Variants in TTL observed in about 807,000 individuals in gnomAD.
The protein encoded by TTL is tubulin--tyrosine ligase.
In TTL, 10 loss-of-function variants were observed where a neutral mutation model predicts 41.1. The ratio of observed to expected loss-of-function variants is 0.24; its 90% CI spans 0.15 to 0.41. The LOEUF is 0.41. Ranked by LOEUF, TTL falls within the 10% of genes least tolerant of loss-of-function variation. TTL has a pLI of 1.00. For synonymous variants in TTL, 175 were observed against 175.5 expected, an observed-to-expected ratio of 1.00 and a Z score of 0.02; for missense variants, 367 against 460.4, an observed-to-expected ratio of 0.80 and a Z score of 1.86.
chr2:112,507,679 C>G (rs937301403), intron 5 of TTL, among the ~76,000 whole-genome samples: 10 of 146,482 alleles, frequency 6.8e-5, no homozygotes, highest in Non-Finnish European at 1.4e-4. Context: ...GTAGATCTTC[C>G]TCCATCCTTT....
chr2:112,498,578 AT>A (rs758372674), intron 3 of TTL, among the ~76,000 whole-genome samples: 246 of 152,302 alleles, frequency 1.6e-3, no homozygotes, highest in Non-Finnish European at 2.8e-3. Flanking sequence ...TGTTAGCAAC[AT>A]TTTTGTATAG....
chr2:112,501,494 G>A (rs928069425), intron 4 of TTL, among the ~76,000 whole-genome samples, 153 bp downstream of exon 4: 4 of 151,680 alleles, frequency 2.6e-5, no homozygotes, highest in African/African-American at 9.7e-5. Context: ...CTTACCTTCT[G>A]TACCTAATTT....
intron 6 of TTL, among the ~76,000 whole-genome samples, chr2:112,525,217 G>C (rs1273734023): frequency 9.9e-5 from 15 of 152,170 alleles, no homozygotes; most frequent in Non-Finnish European, 1.9e-4. Context: ...TTTGAAGTCA[G>C]GTAGGGTGAT....
chr2:112,513,247 C>CTA (rs1681972936), intron 5 of TTL, among the ~76,000 whole-genome samples: 1 of 152,020 alleles, frequency 6.6e-6, no homozygotes, highest in Non-Finnish European at 1.5e-5. Context: ...AAACCAAACT[C>CTA]TATACTGTCT....
rs756458339 is a variant in TTL at position 112,494,242 on chromosome 2, A to G, written c.336A>G (p.Ala112=). ...ATCTCAAGACTCCAGTTGCTCCAGC[A>G]CAGAATGGAATTCAGCCACCAATCA... ...PTNLKTPVAP[A]QNGIQPPISN... The change falls in exon 3 of 7, where the codon GCA becomes GCG. Residue 112 remains alanine, a synonymous_variant. Coordinates refer to ENST00000233336, the MANE Select transcript of TTL (RefSeq NM_153712.5). 3 of 1,614,224 alleles carry G rather than the reference A, an allele frequency of 1.9e-6. No individual in the cohort carries two copies. Among genetic ancestry groups the G allele is most frequent in the Non-Finnish European group, 2.5e-6 (3 of 1,180,038 alleles).
chr2:112,517,575 C>T (rs189910580), intron 5 of TTL, among the ~76,000 whole-genome samples: 126 of 151,164 alleles, frequency 8.3e-4, no homozygotes, highest in African/African-American at 2.6e-3. Flanking sequence ...GTATTTTTTT[C>T]TCTCTCTCTT....
intron 3 of TTL, 133 bp downstream of exon 3, chr2:112,494,508 A>G: frequency 1.5e-6 from 1 of 689,182 alleles, no homozygotes; most frequent in Admixed American, 2.9e-5. Flanking sequence ...ATAAATACCC[A>G]TCTATGTACT....
chr2:112,513,512 A>G (rs1223035526), intron 5 of TTL, among the ~76,000 whole-genome samples: 2 of 151,682 alleles, frequency 1.3e-5, no homozygotes, highest in Non-Finnish European at 2.9e-5. Context: ...GTCATCTGAG[A>G]ATGTGTTTAT....
chr2:112,486,399 C>T (rs1048743170), intron 2 of TTL, among the ~76,000 whole-genome samples: 5 of 152,216 alleles, frequency 3.3e-5, no homozygotes, highest in Admixed American at 1.3e-4. Flanking sequence ...TGAGCAAGGA[C>T]CAGGCCTCTA....
chr2:112,498,506 G>T (rs1681596581), intron 3 of TTL, among the ~76,000 whole-genome samples: 1 of 152,222 alleles, frequency 6.6e-6, no homozygotes, highest in African/African-American at 2.4e-5. Context: ...TTGCAGGACA[G>T]TATAGTAAAG....
intron 5 of TTL, among the ~76,000 whole-genome samples, chr2:112,517,559 A>G (rs1682103590): frequency 6.6e-6 from 1 of 151,316 alleles, no homozygotes; most frequent in Non-Finnish European, 1.5e-5. Flanking sequence ...CCCATTTTAT[A>G]TTTTAGTATT....
intron 5 of TTL, among the ~76,000 whole-genome samples, chr2:112,515,986 A>G (rs1348803252): frequency 6.7e-6 from 1 of 150,016 alleles, no homozygotes; most frequent in African/African-American, 2.4e-5. Flanking sequence ...AAATAAATAA[A>G]TAAATAAATA....
At position 112,541,738 on chromosome 2, in the gene TTL, C is replaced by A; in HGVS notation, c.*12943C>A. On this transcript the variant is annotated 3_prime_UTR_variant, in exon 7 of 7. Coordinates refer to ENST00000233336, the MANE Select transcript of TTL (RefSeq NM_153712.5). ...CACAAACACAATAAAGTTGAAAAAC[C>A]AGCAGGCATTCCCTGATTAATCAGT... is the stretch of plus-strand genomic sequence containing the variant. 4.1e-6 allele frequency: 1 copy of A among 242,710 alleles called. No homozygotes were observed. The highest frequency in any genetic ancestry group is 1.0e-4 in the East Asian group (1 of 9,550). The allele number at this position is 242,710 out of a possible 1,614,324, so 15.0% of individuals were successfully genotyped here. A position where few individuals can be genotyped will look rare whatever the true frequency, so the allele number is the denominator to read the frequency against.
Position 112,482,846 on chromosome 2 carries a change from G to T in TTL, c.157+345G>T, listed in dbSNP as rs2104442630. On this transcript the variant is annotated intron_variant, in intron 1 of 6. Coordinates refer to ENST00000233336, the MANE Select transcript of TTL (RefSeq NM_153712.5). This position sits in a 1 kb window ranked among gnomAD's most constrained non-coding sequence, Gnocchi z 5.3. ...CGGGCCGAAGCCCCCAGATTTGGCG[G>T]GTCCGCCGCGCTGGGCGCGGCTCCG... Among the ~76,000 whole-genome samples, 1 of 152,284 alleles carries T rather than the reference G, an allele frequency of 6.6e-6. No homozygotes were observed. Among genetic ancestry groups the T allele is most frequent in the East Asian group, 2.0e-4 (1 of 5,124 alleles).
chr2:112,503,520 A>G (rs1408255077), intron 5 of TTL, among the ~76,000 whole-genome samples: 2 of 149,214 alleles, frequency 1.3e-5, no homozygotes, highest in African/African-American at 4.9e-5. Context: ...CACAACCTCT[A>G]CCTCCTGGGT....
At chr2:112,484,496 C>T (rs1484518520) in intron 1 of TTL, among the ~76,000 whole-genome samples, 1 of 151,894 alleles carries the variant, frequency 6.6e-6, no homozygotes, top group African/African-American at 2.4e-5. Context: ...AACTCCTGAC[C>T]TCAGGTGATC....
chr2:112,500,607 A>T (rs1426087240), intron 3 of TTL, among the ~76,000 whole-genome samples: 1 of 152,250 alleles, frequency 6.6e-6, no homozygotes, highest in Non-Finnish European at 1.5e-5. Flanking sequence ...AACAACAAAA[A>T]CTGTAGTAAT....
At chr2:112,490,817 C>T (rs1205106818) in intron 2 of TTL, among the ~76,000 whole-genome samples, 1 of 152,022 alleles carries the variant, frequency 6.6e-6, no homozygotes, top group Non-Finnish European at 1.5e-5. Flanking sequence ...AGGTGATCCA[C>T]CTGCCTCGGC....
chr2:112,520,453 C>G, intron 6 of TTL, 28 bp downstream of exon 6: 1 of 1,608,360 alleles, frequency 6.2e-7, no homozygotes, highest in Non-Finnish European at 8.5e-7. Flanking sequence ...TGTGTTTTTA[C>G]AAGTGGGAAG....
Sources: allele counts gnomAD v4.1 joint callset (sites outside exome capture counted in the v4.1 genomes callset), GRCh38; gene constraint gnomAD v4.1.1; non-coding constraint Gnocchi (gnomAD v3.1); transcripts MANE v1.5; gene names NCBI Gene and HGNC (gene_info 2026-07-23, HGNC 2026-07-21).